The following KIAA1755 variants were observed in gnomAD, a reference collection of about 807,000 sequenced individuals.
KIAA1755 encodes the protein KIAA1755.
A neutral mutation model predicts 91.7 loss-of-function variants in KIAA1755; 68 were observed. The ratio of observed to expected loss-of-function variants is 0.74; its 90% CI spans 0.61 to 0.91. The LOEUF is 0.91. Ranked by LOEUF, KIAA1755 falls within the 40% of genes least tolerant of loss-of-function variation. The pLI is 0.00. For missense variants in KIAA1755, 1,535 were observed against 1,494.4 expected (o/e 1.03, Z -0.45); for synonymous variants, 610 against 604.6 (o/e 1.01, Z -0.13).
At chr20:38,242,000 C>T (rs1009127202) in intron 2 of KIAA1755, 71 bp from the exon 3 acceptor site, 3 of 1,472,270 alleles carry the variant, frequency 2.0e-6, no homozygotes, top group Non-Finnish European at 2.8e-6. Context: ...TGCTCCTTTC[C>T]CTCTCCCACG....
At chr20:38,243,547 T>C (rs990544576) in intron 2 of KIAA1755, among the ~76,000 whole-genome samples, 15 of 152,240 alleles carry the variant, frequency 9.9e-5, no homozygotes, top group Non-Finnish European at 2.1e-4. Flanking sequence ...CAGTTTGATG[T>C]AGGCAGTCCA....
At chr20:38,232,681 A>T (rs1157310405) in intron 4 of KIAA1755, among the ~76,000 whole-genome samples, 1 of 151,954 alleles carries the variant, frequency 6.6e-6, no homozygotes, top group African/African-American at 2.4e-5. Flanking sequence ...CATATATATC[A>T]ATGTTATCCT....
At chr20:38,214,809 G>A (rs542976949) in intron 13 of KIAA1755, among the ~76,000 whole-genome samples, 2 of 152,306 alleles carry the variant, frequency 1.3e-5, no homozygotes, top group South Asian at 2.1e-4. Flanking sequence ...GTTCCCAGCC[G>A]CTCGTGAAAA....
At position 38,217,316 on chromosome 20, in the gene KIAA1755, CATGTAAAAGTGGG is replaced by C; in HGVS notation, c.2825_2837del (p.Thr942ArgfsTer23). On this transcript the variant is annotated frameshift_variant, in exon 13 of 14. Coordinates refer to ENST00000279024, the MANE Select transcript of KIAA1755 (RefSeq NM_001029864.2). LOFTEE classifies it high-confidence loss of function. ...GGTCCGTGCGTTGCCGCTCGGCCGC[CATGTAAAAGTGGG>C]TCAGCTCAGCCTGGAAGGCCCGCTG... is the stretch of plus-strand genomic sequence containing the variant. 3 of 1,611,320 alleles carry C rather than the reference CATGTAAAAGTGGG, an allele frequency of 1.9e-6. No homozygotes were observed. Among genetic ancestry groups the C allele is most frequent in the Non-Finnish European group, 2.5e-6 (3 of 1,179,046 alleles).
chr20:38,240,517 C>T, intron 3 of KIAA1755, 65 bp downstream of exon 3: 1 of 1,409,234 alleles, frequency 7.1e-7, no homozygotes, highest in Non-Finnish European at 9.3e-7. Context: ...CAACCAAAAC[C>T]ACCTAAAATG....
intron 4 of KIAA1755, among the ~76,000 whole-genome samples, chr20:38,237,694 G>T (rs2075982810): frequency 6.6e-6 from 1 of 151,974 alleles, no homozygotes. Flanking sequence ...GAACCAATAG[G>T]TTCAAGGTTT....
chr20:38,224,974 C>T (rs1425626332), intron 8 of KIAA1755, among the ~76,000 whole-genome samples: 1 of 152,022 alleles, frequency 6.6e-6, no homozygotes, highest in African/African-American at 2.4e-5. Flanking sequence ...AGAGCAAGTG[C>T]CTGTAAATTT....
At position 38,220,370 on chromosome 20, in the gene KIAA1755, A is replaced by G. The variant is rs2075635856; in HGVS notation, c.2418-602T>C. On this transcript the variant is annotated intron_variant, in intron 10 of 13. Transcript: ENST00000279024. Reference sequence around the variant, plus strand: ...AGGCTGGTCACCCAGGCTAGAGTGCAGTGGCGCGATCTCCATTCACTGCAA... The same window carrying G: ...AGGCTGGTCACCCAGGCTAGAGTGCGGTGGCGCGATCTCCATTCACTGCAA... Among the ~76,000 whole-genome samples the G allele has an allele frequency of 2.7e-5, 4 of 145,634 alleles. No individual in the cohort carries two copies. In the South Asian group the frequency reaches 8.6e-4, roughly 31 times the overall value.
intron 1 of KIAA1755, among the ~76,000 whole-genome samples, chr20:38,259,566 T>A (rs2076402715): frequency 8.0e-6 from 1 of 124,496 alleles, no homozygotes; most frequent in Non-Finnish European, 1.6e-5. Context: ...CACCTCTATA[T>A]GGAATTCTTC....
rs564034366 is a variant in KIAA1755 at position 38,213,634 on chromosome 20, C to A, written c.3011G>T (p.Arg1004Leu). The A allele has an allele frequency of 7.4e-6, 12 of 1,610,792 alleles. No homozygotes were observed. In the African/African-American group the frequency reaches 1.1e-4, roughly 14 times the overall value. ...DQRRLHRYLQ[R>L]LASEFPAEKL... The stretch of plus-strand genomic sequence containing the variant: ...CTCAGCAGGGAACTCAGATGCCAGT[C>A]GCTGCAGGTAGCGGTGGAGGCGGCG... Residue 1004 changes from arginine to leucine, a missense_variant, in exon 14 of 14, where the codon CGA becomes CTA. Physicochemically the swap from Arg to Leu is moderately radical, Grantham distance 102 (BLOSUM62 -2). Transcript: ENST00000279024.
chr20:38,221,663 T>C (rs978252345), intron 10 of KIAA1755, among the ~76,000 whole-genome samples: 1 of 152,158 alleles, frequency 6.6e-6, no homozygotes, highest in Non-Finnish European at 1.5e-5. Flanking sequence ...TATTTGTAAA[T>C]CCCTGAGAAA....
chr20:38,240,045 C>T (rs2076027340), intron 3 of KIAA1755, among the ~76,000 whole-genome samples: 1 of 152,168 alleles, frequency 6.6e-6, no homozygotes, highest in African/African-American at 2.4e-5. Context: ...TAAAGGCATG[C>T]ACCACGAAGC....
chr20:38,238,226 G>T (rs1415289125), intron 4 of KIAA1755, among the ~76,000 whole-genome samples: 1 of 152,176 alleles, frequency 6.6e-6, no homozygotes, highest in Admixed American at 6.5e-5. Flanking sequence ...AGGATCATGA[G>T]ATCCTTTGTG....
At chr20:38,241,991 G>T (rs2076077867) in intron 2 of KIAA1755, 62 bp from the exon 3 acceptor site, 19 of 1,520,140 alleles carry the variant, frequency 1.2e-5, no homozygotes, top group Non-Finnish European at 1.7e-5. Flanking sequence ...CCTTGGATTT[G>T]CTCCTTTCCC....
At position 38,252,226 on chromosome 20, in the gene KIAA1755, G is replaced by A. The variant is rs754218361; in HGVS notation, c.4-6100C>T. Among the ~76,000 whole-genome samples the A allele has an allele frequency of 1.3e-4, 20 of 152,150 alleles. 1 individual carries two copies. The highest frequency in any genetic ancestry group is 1.1e-3 in the Admixed American group (17 of 15,262). ...CTTGGGGAAAGTCAAAGGCATGGCCGCTGCTGTTATTGCTATTCATTCTTA... is the reference window on the plus strand; with the variant it reads ...CTTGGGGAAAGTCAAAGGCATGGCCACTGCTGTTATTGCTATTCATTCTTA... On this transcript the variant is annotated intron_variant, in intron 1 of 13. Coordinates refer to ENST00000279024, the MANE Select transcript of KIAA1755 (RefSeq NM_001029864.2).
intron 1 of KIAA1755, among the ~76,000 whole-genome samples, chr20:38,250,496 G>GTGTGTC (rs2076230007): frequency 1.5e-5 from 2 of 134,804 alleles, no homozygotes; most frequent in Non-Finnish European, 3.2e-5. Context: ...TGGTGTGTGT[G>GTGTGTC]TGTGTGTGTG....
At chr20:38,245,797 G>A (rs1191778733) in intron 2 of KIAA1755, 132 bp downstream of exon 2, 12 of 766,124 alleles carry the variant, frequency 1.6e-5, no homozygotes, top group Non-Finnish European at 2.6e-5. Flanking sequence ...AATGATACTT[G>A]GAAAGTCCCC....
rs765834398 is a variant in KIAA1755 at position 38,228,273 on chromosome 20, T to G, written c.1872-33A>C. 1.9e-6 allele frequency: 3 copies of G among 1,549,650 alleles called. No individual in the cohort carries two copies. In the East Asian group the frequency reaches 7.1e-5, roughly 36 times the overall value. On this transcript the variant is annotated intron_variant, in intron 5 of 13. Coordinates refer to ENST00000279024, the MANE Select transcript of KIAA1755 (RefSeq NM_001029864.2). ...TGGTAAACAGAATTGACAGTCTTGC[T>G]GGATGGCCTCGGACAGGGGGCAGGA...
chr20:38,230,454 G>T (rs2075839666), intron 5 of KIAA1755, among the ~76,000 whole-genome samples: 1 of 152,168 alleles, frequency 6.6e-6, no homozygotes, highest in Non-Finnish European at 1.5e-5. Flanking sequence ...CCCAGGCCCA[G>T]CACCTGTTAT....
Sources: gnomAD v4.1 joint callset for allele counts (sites outside exome capture counted in the v4.1 genomes callset) on GRCh38, gnomAD v4.1.1 for gene constraint, MANE v1.5 for transcripts, NCBI Gene and HGNC (gene_info 2026-07-23, HGNC 2026-07-21) for gene names.